MYLK: variants seen among roughly 807,000 people sequenced by gnomAD.
MYLK encodes myosin light chain kinase.
A neutral mutation model predicts 203.4 loss-of-function variants in MYLK; 106 were observed. That is an observed-to-expected ratio of 0.52 (90% CI 0.45 to 0.61). The LOEUF is 0.61. Among genes scored for constraint, MYLK ranks in the 20% least tolerant of loss-of-function variants. The pLI is 0.00. For missense variants in MYLK, 2,072 were observed against 2,442.3 expected, an observed-to-expected ratio of 0.85 and a Z score of 3.20; for synonymous variants, 867 against 959.5, an observed-to-expected ratio of 0.90 and a Z score of 1.78.
rs1281966207 is a variant in MYLK, at chr3:123,712,921, G to C, written c.1805-3028C>G. Among the ~76,000 whole-genome samples, 4 of 152,230 alleles carry C rather than the reference G, an allele frequency of 2.6e-5. No individual in the cohort carries two copies. The East Asian group carries it at 7.7e-4, about 29-fold the overall frequency. ...TCCACTTGGGCTCAATTACTCAATG[G>C]GTTTATCAGCAGTCAAAGAACCAAT... On this transcript the variant is annotated intron_variant, in intron 13 of 33. Transcript: ENST00000360304.
intron 8 of MYLK, among the ~76,000 whole-genome samples, chr3:123,736,832 G>T (rs73860155): frequency 0.029 from 4,479 of 152,244 alleles, 207 homozygotes; most frequent in African/African-American, 0.096. Flanking sequence ...TGAAGACATG[G>T]TGGGGGAGAC....
intron 4 of MYLK, among the ~76,000 whole-genome samples, chr3:123,792,618 C>T (rs1262474237): frequency 6.6e-6 from 1 of 152,170 alleles, no homozygotes; most frequent in East Asian, 1.9e-4. Flanking sequence ...TGAGTCAGTA[C>T]TTCATTCCTT....
chr3:123,722,169 G>C lies in MYLK; in HGVS notation c.1763C>G (p.Ala588Gly). ...HGTYTCLAEN[A>G]LGQVSCSAWV... ...GGCGCTGCAGGACACCTGCCCCAAGGCATTCTCAGCTAGGCAGGTGTAGGT... is the reference window on the plus strand; with the variant it reads ...GGCGCTGCAGGACACCTGCCCCAAGCCATTCTCAGCTAGGCAGGTGTAGGT... Residue 588 changes from alanine (A) to glycine (G), a missense_variant, in exon 13 of 34, where the codon GCC (alanine) becomes GGC (glycine). Physicochemically the swap from Ala to Gly is moderately conservative, Grantham distance 60 (BLOSUM62 0). Transcript: ENST00000360304. 2 of 1,564,744 alleles carry C rather than the reference G, an allele frequency of 1.3e-6. No individual in the cohort carries two copies. The highest frequency in any genetic ancestry group is 1.2e-5 in the South Asian group (1 of 84,830).
intron 2 of MYLK, among the ~76,000 whole-genome samples, chr3:123,869,729 G>A (rs996614456): frequency 7.9e-5 from 12 of 152,208 alleles, no homozygotes; most frequent in Non-Finnish European, 1.8e-4. Context: ...ATTCTGGGAA[G>A]TTGTTACATC....
Position 123,629,189 on chromosome 3 carries a change from C to G in MYLK, c.5114+285G>C, listed in dbSNP as rs1306985453. Among the ~76,000 whole-genome samples, 1 of 152,148 alleles carries G rather than the reference C, an allele frequency of 6.6e-6. No individual in the cohort carries two copies. Among genetic ancestry groups the G allele is most frequent in the Non-Finnish European group, 1.5e-5 (1 of 68,026 alleles). ...TCATTATTCACACAGAACAGCTGCC[C>G]CTTGCTCTGTAACGTGGTCAAGTGT... On this transcript the variant is annotated intron_variant, in intron 30 of 33. Coordinates refer to ENST00000360304, the MANE Select transcript of MYLK (RefSeq NM_053025.4). This position sits in a 1 kb window ranked among gnomAD's most constrained non-coding sequence, Gnocchi z 4.4.
intron 18 of MYLK, among the ~76,000 whole-genome samples, chr3:123,697,434 C>T (rs1432922171): frequency 6.6e-6 from 1 of 152,252 alleles, no homozygotes; most frequent in Middle Eastern, 3.4e-3. Context: ...TTAACAAAAT[C>T]GAGGAGTAAA....
chr3:123,858,256 C>A (rs879862537), intron 2 of MYLK, among the ~76,000 whole-genome samples: 4 of 152,080 alleles, frequency 2.6e-5, no homozygotes, highest in Non-Finnish European at 2.9e-5. Flanking sequence ...TGAGAGGTCT[C>A]CAGAGTGGGA....
chr3:123,656,550 G>A (rs1455098616), intron 24 of MYLK, among the ~76,000 whole-genome samples: 2 of 152,078 alleles, frequency 1.3e-5, no homozygotes, highest in Non-Finnish European at 2.9e-5. Flanking sequence ...CTGCCTTTTA[G>A]AATCCTATCC....
chr3:123,865,291 T>C (rs1428645259), intron 2 of MYLK, among the ~76,000 whole-genome samples: 1 of 152,226 alleles, frequency 6.6e-6, no homozygotes, highest in Non-Finnish European at 1.5e-5. Flanking sequence ...CAAACCAGAT[T>C]ACCAGTATTC....
intron 5 of MYLK, among the ~76,000 whole-genome samples, chr3:123,748,696 CT>C (rs2063095985): frequency 6.6e-6 from 1 of 151,894 alleles, no homozygotes; most frequent in African/African-American, 2.4e-5. Flanking sequence ...TGAATTTTAC[CT>C]GATATCTTAA....
At chr3:123,864,157 CT>C (rs2032148127) in intron 2 of MYLK, among the ~76,000 whole-genome samples, 1 of 152,082 alleles carries the variant, frequency 6.6e-6, no homozygotes, top group Non-Finnish European at 1.5e-5. Flanking sequence ...AAATCTGTGC[CT>C]TAAATATTAG....
At chr3:123,828,617 A>T (rs1220884266) in intron 3 of MYLK, among the ~76,000 whole-genome samples, 1 of 152,192 alleles carries the variant, frequency 6.6e-6, no homozygotes, top group Non-Finnish European at 1.5e-5. Flanking sequence ...TATTATATCA[A>T]ATGAAAATGT....
chr3:123,877,120 A>C lies in MYLK; in HGVS notation c.-185-503T>G, dbSNP rs115171638. Among the ~76,000 whole-genome samples, 809 of 152,296 alleles carry C rather than the reference A, an allele frequency of 5.3e-3. 6 individuals carry two copies. Among genetic ancestry groups the C allele is most frequent in the African/African-American group, 0.018 (742 of 41,562 alleles). ...TGTCAATCAAACAGACAAGTGAAGA[A>C]TATTCCAGGTGAGGATGAACTCACA... On this transcript the variant is annotated intron_variant, in intron 1 of 33. Transcript: ENST00000360304.
chr3:123,870,550 T>C (rs1321633901), intron 2 of MYLK, among the ~76,000 whole-genome samples: 2 of 152,224 alleles, frequency 1.3e-5, no homozygotes, highest in Non-Finnish European at 2.9e-5. Flanking sequence ...ACAGACCAGA[T>C]GCTCTAAACC....
chr3:123,646,529 ATGTG>A (rs970280501), intron 27 of MYLK, among the ~76,000 whole-genome samples: 1 of 152,044 alleles, frequency 6.6e-6, no homozygotes, highest in South Asian at 2.1e-4. Context: ...GTGTGTGTGC[ATGTG>A]TGTGTGTGCG....
intron 3 of MYLK, among the ~76,000 whole-genome samples, chr3:123,812,306 G>T (rs2065588854): frequency 6.6e-6 from 1 of 152,188 alleles, no homozygotes; most frequent in Non-Finnish European, 1.5e-5. Context: ...GGGGCGGTCA[G>T]AACCAACTTG....
intron 3 of MYLK, among the ~76,000 whole-genome samples, chr3:123,816,157 T>C (rs1384202445): frequency 3.9e-5 from 6 of 152,242 alleles, no homozygotes; most frequent in African/African-American, 7.2e-5. Context: ...TCAGTATGCA[T>C]TGATGGCATA....
intron 2 of MYLK, among the ~76,000 whole-genome samples, chr3:123,855,372 T>C (rs990174515): frequency 6.6e-6 from 1 of 152,224 alleles, no homozygotes; most frequent in Non-Finnish European, 1.5e-5. Flanking sequence ...GTAACCAGTC[T>C]CCAGTGTATC....
chr3:123,664,431 A>C (rs1203550372), intron 22 of MYLK, among the ~76,000 whole-genome samples, 173 bp from the exon 23 acceptor site: 1 of 150,658 alleles, frequency 6.6e-6, no homozygotes, highest in East Asian at 2.0e-4. Flanking sequence ...TCCTACATCC[A>C]GAGTCCAGCT....
Sources: allele counts gnomAD v4.1 joint callset (sites outside exome capture counted in the v4.1 genomes callset), GRCh38; gene constraint gnomAD v4.1.1; non-coding constraint Gnocchi (gnomAD v3.1); transcripts MANE v1.5; gene names NCBI Gene and HGNC (gene_info 2026-07-23, HGNC 2026-07-21).